Variants in KIF2C observed in about 807,000 individuals in gnomAD.
KIF2C encodes kinesin-like protein KIF2C.
KIF2C carries 34 observed loss-of-function variants against 97.4 expected under a neutral mutation model. That is an observed-to-expected ratio of 0.35 (90% CI 0.27 to 0.46). The LOEUF (loss-of-function observed/expected upper bound fraction) is 0.46. KIF2C is among the 20% of genes least tolerant of loss of function. The pLI, the probability that KIF2C is intolerant of heterozygous loss-of-function variation, is 1.00. For synonymous variants in KIF2C, 313 were observed against 318.2 expected, an observed-to-expected ratio of 0.98 and a Z score of 0.17; for missense variants, 750 against 907.6, an observed-to-expected ratio of 0.83 and a Z score of 2.23.
intron 3 of KIF2C, 28 bp downstream of exon 3, chr1:44,747,513 A>C (rs747401725): frequency 1.3e-6 from 2 of 1,582,702 alleles, no homozygotes; most frequent in South Asian, 2.3e-5. Context: ...GGCTGCAGCC[A>C]GTGCGCCAGA....
At chr1:44,748,489 C>T (rs567782596) in intron 4 of KIF2C, among the ~76,000 whole-genome samples, 1 of 152,262 alleles carries the variant, frequency 6.6e-6, no homozygotes, top group South Asian at 2.1e-4. Flanking sequence ...AGTTGGGACT[C>T]GCAGCAGTCC....
Position 44,750,486 on chromosome 1 carries a change from C to T in KIF2C, c.361C>T (p.Arg121Cys), listed in dbSNP as rs777985755. 1.9e-5 allele frequency: 30 copies of T among 1,590,758 alleles called. No homozygotes were observed. Among genetic ancestry groups the T allele is most frequent in the African/African-American group, 1.6e-4 (12 of 74,234 alleles). ...TCGCATGTCCACTGTCTCAGAGCTT[C>T]GCATCACGGCTCAGGAGAATGACAT... ...STRMSTVSEL[R>C]ITAQENDMEV... Residue 121 changes from arginine to cysteine, a missense_variant, in exon 5 of 21, where the codon CGC (arginine) becomes TGC (cysteine). Coordinates refer to ENST00000372224, the MANE Select transcript of KIF2C (RefSeq NM_006845.4).
chr1:44,740,379 A>G (rs1259811246), intron 1 of KIF2C, among the ~76,000 whole-genome samples: 1 of 152,188 alleles, frequency 6.6e-6, no homozygotes, highest in Non-Finnish European at 1.5e-5. Flanking sequence ...CAGTTGCGGT[A>G]TGTCAGGTAA....
At position 44,753,714 on chromosome 1, in the gene KIF2C, T is replaced by A. The variant is rs953315724; in HGVS notation, c.563-19T>A. ...GAGTGGGCTTCCTTTTTTTTTCTTT[T>A]TTTTTTATGTTTTCATAGTTCGGAG... On this transcript the variant is annotated intron_variant, in intron 6 of 20. Transcript: ENST00000372224. The A allele has an allele frequency of 6.5e-7, 1 of 1,547,076 alleles. No homozygotes were observed. The highest frequency in any genetic ancestry group is 1.4e-5 in the African/African-American group (1 of 71,782).
intron 4 of KIF2C, among the ~76,000 whole-genome samples, chr1:44,749,719 A>G (rs1050215507): frequency 6.6e-6 from 1 of 152,070 alleles, no homozygotes; most frequent in African/African-American, 2.4e-5. Context: ...GTTTTGGCAG[A>G]GGTTGCAGTG....
chr1:44,753,301 A>T, intron 6 of KIF2C, 47 bp downstream of exon 6: 2 of 1,579,374 alleles, frequency 1.3e-6, no homozygotes, highest in Non-Finnish European at 1.7e-6. Flanking sequence ...TGAGGCACAG[A>T]TAGTTTACAT....
chr1:44,742,800 C>T (rs1649003566), intron 2 of KIF2C, among the ~76,000 whole-genome samples: 1 of 151,488 alleles, frequency 6.6e-6, no homozygotes, highest in African/African-American at 2.4e-5. Context: ...TCTGCATGCA[C>T]ACTACCTGTG....
intron 1 of KIF2C, among the ~76,000 whole-genome samples, chr1:44,740,493 G>A (rs1371563310): frequency 6.6e-6 from 1 of 152,128 alleles, no homozygotes; most frequent in Non-Finnish European, 1.5e-5. Flanking sequence ...TGTCATTAGG[G>A]AAATGGACAG....
At chr1:44,746,312 A>C in intron 2 of KIF2C, 1 of 960,862 alleles carries the variant, frequency 1.0e-6, no homozygotes, top group Non-Finnish European at 1.2e-6. Context: ...GTGAAGTTTG[A>C]GTTGTTCCTG....
In KIF2C at chr1:44,747,445, C is replaced by G. The variant is rs371249490; in HGVS notation, c.227C>G (p.Pro76Arg). The stretch of plus-strand genomic sequence containing the variant: ...CTCTTACAGCTTCTTCCCTTACATC[C>G]GAAGGACAATCTGCCCTTGCAGGAA... The part of the protein sequence containing the change: ...PELLQLLPLH[P>R]KDNLPLQENV... The change falls in exon 3 of 21, where the codon CCG becomes CGG. Residue 76 changes from proline to arginine, a missense_variant. Transcript: ENST00000372224. 4 of 1,609,964 alleles carry G rather than the reference C, an allele frequency of 2.5e-6. No homozygotes were observed. Among genetic ancestry groups the G allele is most frequent in the Non-Finnish European group, 3.4e-6 (4 of 1,179,060 alleles).
At chr1:44,745,429 GA>G (rs905692337) in intron 2 of KIF2C, among the ~76,000 whole-genome samples, 4 of 130,078 alleles carry the variant, frequency 3.1e-5, no homozygotes, top group Non-Finnish European at 6.3e-5. Flanking sequence ...ATCCCCATTA[GA>G]AATTGAGCTC....
Position 44,762,461 on chromosome 1 carries a change from A to G in KIF2C, c.1857+10A>G. The G allele has an allele frequency of 1.2e-6, 2 of 1,613,546 alleles. No homozygotes were observed. The highest frequency in any genetic ancestry group is 1.3e-5 in the African/African-American group (1 of 75,054). ...GCTGATTCCAGGCAATGTAAGGACC[A>G]GGATGCGGCCAAGCAAGACAGAAGT... On this transcript the variant is annotated intron_variant, in intron 18 of 20. Transcript: ENST00000372224.
intron 5 of KIF2C, 54 bp from the exon 6 acceptor site, chr1:44,753,078 G>A (rs1164552583): frequency 2.4e-5 from 38 of 1,574,078 alleles, no homozygotes; most frequent in Non-Finnish European, 3.2e-5. Context: ...GGGCTCAGGT[G>A]AGATGCCTGT....
Position 44,739,919 on chromosome 1 carries a change from T to C in KIF2C, c.-14T>C. ...CTTGGTATTGCGCGTTTCTCTTCCT[T>C]GCTGACTCTCCGAATGGCCATGGAC... On this transcript the variant is annotated 5_prime_UTR_variant, in exon 1 of 21. Coordinates refer to ENST00000372224, the MANE Select transcript of KIF2C (RefSeq NM_006845.4). 1 of 1,613,496 alleles carries C rather than the reference T, an allele frequency of 6.2e-7. No homozygotes were observed. Among genetic ancestry groups the C allele is most frequent in the Non-Finnish European group, 8.5e-7 (1 of 1,179,376 alleles).
intron 4 of KIF2C, chr1:44,750,214 T>C (rs766746589): frequency 6.5e-5 from 23 of 351,574 alleles, no homozygotes; most frequent in Non-Finnish European, 1.1e-4. Context: ...TTGTGGGAGA[T>C]ATCCTTGCCC....
chr1:44,739,891 T>C lies in KIF2C; in HGVS notation c.-42T>C, dbSNP rs747965236. Reference sequence around the variant, plus strand: ...CTTCGTAGGGTTAGCGAAATTGAGGTTTCTTGGTATTGCGCGTTTCTCTTC... The same window carrying C: ...CTTCGTAGGGTTAGCGAAATTGAGGCTTCTTGGTATTGCGCGTTTCTCTTC... On this transcript the variant is annotated 5_prime_UTR_variant, in exon 1 of 21. Coordinates refer to ENST00000372224, the MANE Select transcript of KIF2C (RefSeq NM_006845.4). 7 of 1,569,896 alleles carry C rather than the reference T, an allele frequency of 4.5e-6. No individual in the cohort carries two copies. Among genetic ancestry groups the C allele is most frequent in the Non-Finnish European group, 6.1e-6 (7 of 1,139,922 alleles).
At chr1:44,750,817 T>G (rs1649471150) in intron 5 of KIF2C, among the ~76,000 whole-genome samples, 2 of 152,198 alleles carry the variant, frequency 1.3e-5, no homozygotes, top group South Asian at 4.1e-4. Flanking sequence ...TTTTGTAAAC[T>G]GAACACACTT....
At chr1:44,761,716 C>T (rs1373963937) in intron 16 of KIF2C, among the ~76,000 whole-genome samples, 200 bp from the exon 17 acceptor site, 1 of 152,128 alleles carries the variant, frequency 6.6e-6, no homozygotes, top group African/African-American at 2.4e-5. Context: ...AGCAGGAAAC[C>T]AATGTCTGAG....
intron 16 of KIF2C, 114 bp from the exon 17 acceptor site, chr1:44,761,802 C>A: frequency 1.1e-6 from 1 of 942,248 alleles, no homozygotes; most frequent in Non-Finnish European, 1.7e-6. Context: ...CCACCAATAC[C>A]ATGTGGGTCT....
Sources: gnomAD v4.1 joint callset for allele counts (sites outside exome capture counted in the v4.1 genomes callset) on GRCh38, gnomAD v4.1.1 for gene constraint, MANE v1.5 for transcripts, NCBI Gene and HGNC (gene_info 2026-07-23, HGNC 2026-07-21) for gene names.